The following RIPOR3 variants were observed in gnomAD, a reference collection of about 807,000 sequenced individuals.
RIPOR3 encodes family with sequence similarity 65 member C.
Under a neutral mutation model 114.3 loss-of-function variants are expected in RIPOR3, and 95 were observed. The ratio of observed to expected loss-of-function variants is 0.83; its 90% confidence interval spans 0.70 to 0.99. The LOEUF (loss-of-function observed/expected upper bound fraction) is 0.99. Ranked by LOEUF, RIPOR3 falls within the 50% of genes least tolerant of loss-of-function variation. RIPOR3 has a pLI of 0.00. For synonymous variants in RIPOR3, 575 were observed against 543.8 expected (o/e 1.06, Z -0.80); for missense variants, 1,252 against 1,266.9 (o/e 0.99, Z 0.18).
chr20:50,672,149 C>T (rs2086533995), intron 1 of RIPOR3, among the ~76,000 whole-genome samples: 1 of 152,146 alleles, frequency 6.6e-6, no homozygotes, highest in African/African-American at 2.4e-5. Flanking sequence ...CCCGATGGGG[C>T]TGTGAATAAC....
intron 19 of RIPOR3, 186 bp from the exon 20 acceptor site, chr20:50,589,955 G>GT (rs1226218600): frequency 1.9e-6 from 1 of 525,264 alleles, no homozygotes; most frequent in African/African-American, 1.9e-5. Context: ...ATACTGTGGT[G>GT]TTTAATTTAT....
chr20:50,615,965 G>T, intron 4 of RIPOR3, 37 bp downstream of exon 4: 5 of 1,574,886 alleles, frequency 3.2e-6, no homozygotes, highest in Admixed American at 3.7e-5. Context: ...CCTGGCCAAG[G>T]CTATCTGGGT....
chr20:50,656,620 C>T (rs1568932567), intron 1 of RIPOR3, among the ~76,000 whole-genome samples: 1 of 152,016 alleles, frequency 6.6e-6, no homozygotes, highest in Non-Finnish European at 1.5e-5. Context: ...CTGCCTCAGC[C>T]TCCTGAGTAG....
rs376450319 is a variant in RIPOR3, at chr20:50,647,032, GA to G, written c.4-16177del. The stretch of plus-strand genomic sequence containing the variant: ...CTAAGTTTTGAGCTCATGTGAAAAA[GA>G]AAAGGGGGCCGGGCGTGGTGGCTCA... On this transcript the variant is annotated intron_variant, in intron 1 of 21. Coordinates refer to ENST00000327979, the MANE Select transcript of RIPOR3 (RefSeq NM_001290268.2). Among the ~76,000 whole-genome samples the G allele has an allele frequency of 2.0e-5, 3 of 152,262 alleles. No individual in the cohort carries two copies. In the East Asian group the frequency reaches 5.8e-4, roughly 29 times the overall value.
In RIPOR3 at chr20:50,665,473, G is replaced by T. The variant is rs185485808; in HGVS notation, c.3+25653C>A. On this transcript the variant is annotated intron_variant, in intron 1 of 21. Transcript: ENST00000327979. ...TCTCGCCCTGTCGCCCAGGCTGGAG[G>T]GCAGTGGTGTGATCTCGGCTCTCCG... Among the ~76,000 whole-genome samples the T allele has an allele frequency of 2.8e-5, 4 of 142,000 alleles. No individual in the cohort carries two copies. The East Asian group carries it at 8.9e-4, about 32-fold the overall frequency. The allele number at this position is 142,000 out of a possible 152,430, so 93.2% of individuals were successfully genotyped here. A position where few individuals can be genotyped will look rare whatever the true frequency, so the allele number is the denominator to read the frequency against.
intron 1 of RIPOR3, among the ~76,000 whole-genome samples, chr20:50,639,962 C>G (rs1263707495): frequency 6.6e-6 from 1 of 151,862 alleles, no homozygotes; most frequent in African/African-American, 2.4e-5. Flanking sequence ...CCAGACACTG[C>G]CACACGTCCC....
chr20:50,669,612 A>T (rs1444710041), intron 1 of RIPOR3, among the ~76,000 whole-genome samples: 1 of 152,168 alleles, frequency 6.6e-6, no homozygotes, highest in Non-Finnish European at 1.5e-5. Context: ...TTGGGAGGAA[A>T]GTGCTCTGAG....
chr20:50,687,656 C>A (rs1460441404), intron 1 of RIPOR3, among the ~76,000 whole-genome samples: 3 of 152,136 alleles, frequency 2.0e-5, no homozygotes, highest in Non-Finnish European at 2.9e-5. Flanking sequence ...AATCCCAACA[C>A]TTTGGGAGGC....
intron 1 of RIPOR3, among the ~76,000 whole-genome samples, chr20:50,639,134 CG>C (rs1372820367): frequency 3.3e-5 from 5 of 151,726 alleles, no homozygotes; most frequent in Non-Finnish European, 1.5e-5. Flanking sequence ...CCCAGCTACT[CG>C]GGAAGCTGAG....
chr20:50,673,995 G>T (rs149704952), intron 1 of RIPOR3, among the ~76,000 whole-genome samples: 1 of 152,184 alleles, frequency 6.6e-6, no homozygotes, highest in South Asian at 2.1e-4. Flanking sequence ...CCATGCACAG[G>T]AGTCATGCTG....
intron 1 of RIPOR3, among the ~76,000 whole-genome samples, chr20:50,683,448 C>T (rs2086922529): frequency 1.7e-5 from 1 of 59,082 alleles, no homozygotes. Flanking sequence ...ATCCTACTTA[C>T]TTTTTCTTTT....
At chr20:50,637,221 C>T (rs2085018692) in intron 1 of RIPOR3, among the ~76,000 whole-genome samples, 1 of 152,098 alleles carries the variant, frequency 6.6e-6, no homozygotes, top group Non-Finnish European at 1.5e-5. Flanking sequence ...CCTGGACCAC[C>T]CAAAGGCGAC....
chr20:50,653,570 G>A (rs1213991054), intron 1 of RIPOR3, among the ~76,000 whole-genome samples: 1 of 149,042 alleles, frequency 6.7e-6, no homozygotes, highest in Admixed American at 6.9e-5. Flanking sequence ...TGAGATTACA[G>A]GCGTATGCCA....
chr20:50,604,412 A>G (rs2083619867), intron 12 of RIPOR3, among the ~76,000 whole-genome samples: 1 of 152,226 alleles, frequency 6.6e-6, no homozygotes, highest in South Asian at 2.1e-4. Context: ...AGAACCATCC[A>G]GAGAGCCCAC....
chr20:50,644,055 G>A (rs1349010697), intron 1 of RIPOR3, among the ~76,000 whole-genome samples: 1 of 152,022 alleles, frequency 6.6e-6, no homozygotes, highest in Non-Finnish European at 1.5e-5. Flanking sequence ...AGGAGTTCAA[G>A]GCTGCAGTGA....
Position 50,630,724 on chromosome 20 carries a change from C to A in RIPOR3, c.122+14G>T, listed in dbSNP as rs369698975. On this transcript the variant is annotated intron_variant, in intron 2 of 21. Coordinates refer to ENST00000327979, the MANE Select transcript of RIPOR3 (RefSeq NM_001290268.2). ...CACCCCTGCACCCCGAAACAGGACA[C>A]GGGGGGAACTTACGCGATCCTCCGG... 3.8e-6 allele frequency: 6 copies of A among 1,592,270 alleles called. No homozygotes were observed. The African/African-American group carries it at 4.0e-5, about 11-fold the overall frequency.
intron 1 of RIPOR3, among the ~76,000 whole-genome samples, chr20:50,671,428 GCACACACACA>G (rs1160861232): frequency 1.0e-4 from 4 of 38,160 alleles, no homozygotes; most frequent in African/African-American, 2.5e-4. Flanking sequence ...ACGCGCGCGC[GCACACACACA>G]CACACACACA....
chr20:50,604,539 C>A, intron 12 of RIPOR3, 106 bp downstream of exon 12: 1 of 1,439,450 alleles, frequency 6.9e-7, no homozygotes, highest in Non-Finnish European at 9.2e-7. Flanking sequence ...AAGCTGAGCC[C>A]GAGGCTTGCC....
intron 11 of RIPOR3, among the ~76,000 whole-genome samples, chr20:50,605,893 A>T (rs114826465): frequency 5.0e-4 from 76 of 152,184 alleles, no homozygotes; most frequent in African/African-American, 1.8e-3. Context: ...AGGTTACATG[A>T]CCTCTACCCC....
Sources: allele counts gnomAD v4.1 joint callset (sites outside exome capture counted in the v4.1 genomes callset), GRCh38; gene constraint gnomAD v4.1.1; transcripts MANE v1.5; gene names NCBI Gene and HGNC (gene_info 2026-07-23, HGNC 2026-07-21).